The following TENT5D variants were observed in gnomAD, a reference collection of about 807,000 sequenced individuals.
The protein encoded by TENT5D is terminal nucleotidyltransferase 5D, also known as cancer/testis antigen 112.
For missense variants in TENT5D, 191 were observed against 287.0 expected (o/e 0.67, Z 2.42); for synonymous variants, 103 against 100.6 (o/e 1.02, Z -0.15).
intron 3 of TENT5D, among the ~76,000 whole-genome samples, chrX:80,385,956 C>T (rs907577162): frequency 2.7e-5 from 3 of 111,985 alleles, no homozygotes; most frequent in East Asian, 2.8e-4. Flanking sequence ...AAAATAGGAA[C>T]GCTTTTACAC....
intron 1 of TENT5D, among the ~76,000 whole-genome samples, chrX:80,428,931 G>A (rs188020348): frequency 8.9e-6 from 1 of 111,942 alleles, no homozygotes; most frequent in Non-Finnish European, 1.9e-5. Flanking sequence ...TGTGCAGTGG[G>A]AGGAAGGGAG....
At chrX:80,431,195 C>T (rs1932082069) in intron 1 of TENT5D, among the ~76,000 whole-genome samples, 1 of 111,775 alleles carries the variant, frequency 8.9e-6, no homozygotes, top group Non-Finnish European at 1.9e-5. Context: ...AGTACCAAGG[C>T]TGGAATCTGT....
At chrX:80,413,539 T>C (rs1212175895) in intron 3 of TENT5D, among the ~76,000 whole-genome samples, 1 of 111,617 alleles carries the variant, frequency 9.0e-6, no homozygotes, top group Non-Finnish European at 1.9e-5. Context: ...AATTGAATCA[T>C]GGGGGCTGGT....
At chrX:80,409,911 G>A (rs1477721265) in intron 3 of TENT5D, among the ~76,000 whole-genome samples, 2 of 107,536 alleles carry the variant, frequency 1.9e-5, no homozygotes, top group Admixed American at 1.0e-4. Context: ...ATAGATCAAT[G>A]GAACAGAACA....
intron 3 of TENT5D, among the ~76,000 whole-genome samples, chrX:80,370,215 A>G (rs1396101606): frequency 9.0e-6 from 1 of 111,053 alleles, no homozygotes; most frequent in Non-Finnish European, 1.9e-5. Context: ...TGATGGGATT[A>G]CTGATGTGAA....
chrX:80,430,741 C>T (rs963961455), intron 1 of TENT5D, among the ~76,000 whole-genome samples: 1 of 111,222 alleles, frequency 9.0e-6, no homozygotes, highest in Non-Finnish European at 1.9e-5. Flanking sequence ...TCTTTTGAGT[C>T]CTAGGGTCAA....
intron 3 of TENT5D, among the ~76,000 whole-genome samples, chrX:80,386,263 G>A (rs1314988782): frequency 1.8e-5 from 2 of 111,969 alleles, no homozygotes; most frequent in African/African-American, 6.5e-5. Context: ...ATGAGTTCAT[G>A]TCCTTTGTAG....
At chrX:80,351,731 C>T (rs1381267900) in intron 3 of TENT5D, among the ~76,000 whole-genome samples, 3 of 110,600 alleles carry the variant, frequency 2.7e-5, no homozygotes, top group Non-Finnish European at 5.7e-5. Flanking sequence ...AGGAGGCGTT[C>T]CGGTTTTTGG....
rs1297579671 is a variant in TENT5D at position 80,422,349 on chromosome X, T to C, written c.-142+1786T>C. Reference sequence around the variant, plus strand: ...TTAGCTGGGCATGGCAGCGCATGCCTGTAATCCCAGCTACTCGGGAGGCTG... The same window carrying C: ...TTAGCTGGGCATGGCAGCGCATGCCCGTAATCCCAGCTACTCGGGAGGCTG... On this transcript the variant is annotated intron_variant, in intron 1 of 2. Transcript: ENST00000308293. Among the ~76,000 whole-genome samples the C allele has an allele frequency of 2.7e-5, 3 of 111,415 alleles. No homozygotes were observed. In the South Asian group the frequency reaches 1.1e-3, roughly 43 times the overall value.
At chrX:80,405,402 G>C (rs1324299597) in intron 3 of TENT5D, among the ~76,000 whole-genome samples, 2 of 112,415 alleles carry the variant, frequency 1.8e-5, no homozygotes. Context: ...TGCACGCACC[G>C]TGCGCGAGCC....
At chrX:80,403,966 G>A (rs1173138525) in intron 3 of TENT5D, among the ~76,000 whole-genome samples, 1 of 111,421 alleles carries the variant, frequency 9.0e-6, no homozygotes, top group Admixed American at 9.6e-5. Flanking sequence ...GTATATGTAC[G>A]ATGTACATTG....
At position 80,420,902 on chromosome X, in the gene TENT5D, G is replaced by A. The variant is rs761250975; in HGVS notation, c.-142+339G>A. On this transcript the variant is annotated intron_variant, in intron 1 of 2. Coordinates refer to ENST00000308293, the Ensembl canonical transcript of TENT5D. ...GTAAGAGAGTTACAAAACTCCCTAC[G>A]TCCTACATTAATTGACTGACACATT... Among the ~76,000 whole-genome samples, 5 of 111,914 alleles carry A rather than the reference G, an allele frequency of 4.5e-5. No homozygotes were observed. In the South Asian group the frequency reaches 1.1e-3, roughly 25 times the overall value.
intron 3 of TENT5D, among the ~76,000 whole-genome samples, chrX:80,414,373 A>G (rs1428505670): frequency 9.0e-6 from 1 of 111,199 alleles, no homozygotes; most frequent in Non-Finnish European, 1.9e-5. Flanking sequence ...TCCACTCAGA[A>G]TCCCTTCATG....
chrX:80,412,685 TCTAGTTC>T (rs1385501473), intron 3 of TENT5D, among the ~76,000 whole-genome samples: 1 of 111,760 alleles, frequency 8.9e-6, no homozygotes, highest in Non-Finnish European at 1.9e-5. Context: ...TCACCTTTTC[TCTAGTTC>T]CTAACAAGTT....
In TENT5D at chrX:80,367,381, G is replaced by A. The variant is rs192664705; in HGVS notation, c.-142+24817G>A. Among the ~76,000 whole-genome samples, 545 of 111,330 alleles carry A rather than the reference G, an allele frequency of 4.9e-3. 7 individuals are homozygous for A. The highest frequency in any genetic ancestry group is 5.5e-3 in the Non-Finnish European group (293 of 52,955). ...ATGGTGTAGAGAAAAGGGAACATTC[G>A]TACACTGTGGTGGGGATGTGAATTA... is the stretch of plus-strand genomic sequence containing the variant. On this transcript the variant is annotated intron_variant, in intron 3 of 4. Coordinates refer to the TENT5D transcript ENST00000538312.
chrX:80,367,986 AAG>A (rs1261647852), intron 3 of TENT5D, among the ~76,000 whole-genome samples: 7 of 110,703 alleles, frequency 6.3e-5, no homozygotes, highest in South Asian at 3.7e-4. Context: ...AAATAACTAA[AAG>A]AGTATAATTG....
chrX:80,338,713 A>G (rs1457375868), intron 2 of TENT5D, among the ~76,000 whole-genome samples: 1 of 112,317 alleles, frequency 8.9e-6, no homozygotes, highest in African/African-American at 3.2e-5. Context: ...ATTAAATGGT[A>G]CTTGACAAAC....
intron 1 of TENT5D, among the ~76,000 whole-genome samples, chrX:80,425,365 T>A (rs1931969284): frequency 8.9e-6 from 1 of 112,574 alleles, no homozygotes; most frequent in Admixed American, 9.4e-5. Context: ...TAAGCAAAAG[T>A]TAAAAAGATT....
At chrX:80,433,206 G>C (rs993851868) in intron 1 of TENT5D, among the ~76,000 whole-genome samples, 1 of 112,359 alleles carries the variant, frequency 8.9e-6, no homozygotes, top group Non-Finnish European at 1.9e-5. Flanking sequence ...GCTGAGCCTT[G>C]TTCCCTTATT....
Sources: gnomAD v4.1 joint callset for allele counts (sites outside exome capture counted in the v4.1 genomes callset) on GRCh38, gnomAD v4.1.1 for gene constraint, MANE v1.5 for transcripts, NCBI Gene and HGNC (gene_info 2026-07-23, HGNC 2026-07-21) for gene names.